INO80D: variants seen among roughly 807,000 people sequenced by gnomAD.
The protein encoded by INO80D is INO80 complex subunit D.
INO80D carries 21 observed loss-of-function variants against 87.6 expected under a neutral mutation model. The observed-to-expected ratio is 0.24, with a 90% confidence interval of 0.17 to 0.35. The LOEUF (loss-of-function observed/expected upper bound fraction) is 0.35, where lower values mean the gene tolerates loss of function less well. Among genes scored for constraint, INO80D ranks in the 10% least tolerant of loss-of-function variants. The pLI, the probability that INO80D is intolerant of heterozygous loss-of-function variation, is 1.00. For missense variants in INO80D, 982 were observed against 1,280.7 expected, an observed-to-expected ratio of 0.77 and a Z score of 3.56; for synonymous variants, 440 against 491.0, an observed-to-expected ratio of 0.90 and a Z score of 1.37.
At chr2:206,017,526 C>T (rs1336269669) in intron 8 of INO80D, among the ~76,000 whole-genome samples, 154 bp downstream of exon 8, 3 of 152,252 alleles carry the variant, frequency 2.0e-5, no homozygotes, top group East Asian at 3.9e-4. Context: ...AGATACATAT[C>T]TTAAGGTAAT....
chr2:206,064,173 A>G (rs911553296), intron 1 of INO80D, among the ~76,000 whole-genome samples: 3 of 152,226 alleles, frequency 2.0e-5, no homozygotes, highest in African/African-American at 4.8e-5. Context: ...CACACTAAAT[A>G]GTAAAATAAT....
chr2:206,029,044 C>T (rs907808987), intron 5 of INO80D, among the ~76,000 whole-genome samples: 14 of 151,954 alleles, frequency 9.2e-5, no homozygotes, highest in African/African-American at 2.7e-4. Context: ...TCTGCCACCA[C>T]GCCTGGCTAA....
chr2:206,025,991 A>C (rs1229631124), intron 6 of INO80D, among the ~76,000 whole-genome samples: 1 of 152,004 alleles, frequency 6.6e-6, no homozygotes, highest in African/African-American at 2.4e-5. Flanking sequence ...TCCTACTCCC[A>C]GGCTAAAGCC....
rs961857261 is a variant in INO80D at position 206,062,386 on chromosome 2, T to C, written c.218+413A>G. 6.6e-6 allele frequency among the ~76,000 whole-genome samples: 1 copy of C among 152,170 alleles called. No homozygotes were observed. The highest frequency in any genetic ancestry group is 2.4e-5 in the African/African-American group (1 of 41,450). ...ATTAATTATAACACCTAATTAGTTA[T>C]TTAAATTTCTCTCATTTAGGCAAAT... On this transcript the variant is annotated intron_variant, in intron 3 of 10. Transcript: ENST00000403263. This position sits in a 1 kb window ranked among gnomAD's most constrained non-coding sequence, Gnocchi z 4.6.
intron 4 of INO80D, among the ~76,000 whole-genome samples, chr2:206,050,029 A>C (rs1030222153): frequency 2.6e-5 from 4 of 152,138 alleles, no homozygotes; most frequent in Non-Finnish European, 5.9e-5. Flanking sequence ...GCTACTCAGG[A>C]GGCTGAGGCA....
intron 5 of INO80D, among the ~76,000 whole-genome samples, chr2:206,039,027 A>G (rs1688964022): frequency 6.6e-6 from 1 of 152,236 alleles, no homozygotes; most frequent in African/African-American, 2.4e-5. Context: ...GAAAAAACAC[A>G]TTAAATGATA....
rs1687844945 is a variant in INO80D at position 205,998,368 on chromosome 2, TCTGCAAGGTAG to T, written c.*5989_*5999del. ...CCAGGATATCCTTTTATTTTATATA[TCTGCAAGGTAG>T]CAAAGGATAGCTATACACCTTGACA... On this transcript the variant is annotated 3_prime_UTR_variant, in exon 11 of 11. Transcript: ENST00000403263. The T allele has an allele frequency of 6.7e-6, 1 of 150,128 alleles. No individual in the cohort carries two copies. The highest frequency in any genetic ancestry group is 2.5e-5 in the African/African-American group (1 of 40,692). 9.3% of individuals were successfully genotyped at this position (150,128 alleles called of 1,614,324 possible). A position where few individuals can be genotyped will look rare whatever the true frequency, so the allele number is the denominator to read the frequency against.
intron 5 of INO80D, chr2:206,040,691 C>A: frequency 4.1e-6 from 1 of 244,788 alleles, no homozygotes; most frequent in Non-Finnish European, 8.7e-6. Context: ...ACAGTGCACT[C>A]TGTGGATATC....
chr2:206,050,858 A>G (rs1285753621), intron 4 of INO80D, among the ~76,000 whole-genome samples: 2 of 151,724 alleles, frequency 1.3e-5, no homozygotes, highest in East Asian at 2.0e-4. Flanking sequence ...AGTCCCAACT[A>G]CTCGGCAGGC....
rs532901277 is a variant in INO80D at position 206,028,006 on chromosome 2, T to G, written c.1298+105A>C. 12 of 737,656 alleles carry G rather than the reference T, an allele frequency of 1.6e-5. No individual in the cohort carries two copies. The African/African-American group carries it at 2.1e-4, about 13-fold the overall frequency. The allele number at this position is 737,656 out of a possible 1,614,324, so 45.7% of individuals were successfully genotyped here. A position where few individuals can be genotyped will look rare whatever the true frequency, so the allele number is the denominator to read the frequency against. On this transcript the variant is annotated intron_variant, in intron 6 of 10. Transcript: ENST00000403263. The stretch of plus-strand genomic sequence containing the variant: ...AAACCAAAACATAATGCTTAAACGT[T>G]TAGGACTTAGTGGTCATCTCCCACT...
At chr2:206,018,891 A>G (rs1414733175) in intron 7 of INO80D, among the ~76,000 whole-genome samples, 1 of 152,202 alleles carries the variant, frequency 6.6e-6, no homozygotes, top group Admixed American at 6.5e-5. Context: ...TGACAGAGTG[A>G]GATCCTGCCT....
Position 206,035,809 on chromosome 2 carries a change from ACT to A in INO80D, c.1074-7476_1074-7475del, listed in dbSNP as rs1559445360. On this transcript the variant is annotated intron_variant, in intron 5 of 10. Transcript: ENST00000403263. ...ACAGACAACCCACAGAGTGGGAGAA[ACT>A]CTTCACAATCTATTCATCTGACAAA... 2.0e-5 allele frequency among the ~76,000 whole-genome samples: 3 copies of A among 152,182 alleles called. No homozygotes were observed. In the East Asian group the frequency reaches 5.8e-4, roughly 29 times the overall value.
chr2:206,047,797 G>T lies in INO80D; in HGVS notation c.965-1185C>A, dbSNP rs564449381. Among the ~76,000 whole-genome samples the T allele has an allele frequency of 1.7e-4, 26 of 152,076 alleles. 2 individuals are homozygous for T. In the Middle Eastern group the frequency reaches 0.01, roughly 60 times the overall value. ...ATTCCCTGGCTCTTACCTTCCATGGGAAGATGGAAGGGTAGGATGGTAATG... is the reference window on the plus strand; with the variant it reads ...ATTCCCTGGCTCTTACCTTCCATGGTAAGATGGAAGGGTAGGATGGTAATG... On this transcript the variant is annotated intron_variant, in intron 4 of 10. Coordinates refer to ENST00000403263, the MANE Select transcript of INO80D (RefSeq NM_017759.5).
intron 1 of INO80D, among the ~76,000 whole-genome samples, chr2:206,065,044 C>A (rs1218177830): frequency 1.3e-5 from 2 of 152,054 alleles, no homozygotes; most frequent in Admixed American, 1.3e-4. Context: ...TGAAACTAGA[C>A]CCCCACCTTT....
intron 5 of INO80D, among the ~76,000 whole-genome samples, chr2:206,030,858 G>A (rs1378302378): frequency 5.3e-5 from 8 of 152,158 alleles, no homozygotes; most frequent in Non-Finnish European, 1.0e-4. Flanking sequence ...AAAATAAACA[G>A]AAGAAGAGAG....
At chr2:206,027,733 A>G (rs1277780214) in intron 6 of INO80D, among the ~76,000 whole-genome samples, 2 of 152,204 alleles carry the variant, frequency 1.3e-5, no homozygotes, top group Non-Finnish European at 2.9e-5. Flanking sequence ...ACCAACACTG[A>G]AAAGAAACTA....
chr2:206,041,722 T>C (rs1413135606), intron 5 of INO80D, among the ~76,000 whole-genome samples: 1 of 152,234 alleles, frequency 6.6e-6, no homozygotes, highest in Non-Finnish European at 1.5e-5. Context: ...TATAGAATAC[T>C]ATATTCAAAT....
intron 4 of INO80D, among the ~76,000 whole-genome samples, chr2:206,052,443 T>A (rs2105875854): frequency 6.6e-6 from 1 of 152,286 alleles, no homozygotes; most frequent in Admixed American, 6.5e-5. Flanking sequence ...TCCACCCGCC[T>A]CAGCCTCCCA....
chr2:206,014,368 T>G (rs751150619), intron 8 of INO80D, among the ~76,000 whole-genome samples: 1 of 152,188 alleles, frequency 6.6e-6, no homozygotes, highest in Non-Finnish European at 1.5e-5. Flanking sequence ...CCCACCCAAA[T>G]TTCATCTTGT....
Sources: gnomAD v4.1 joint callset for allele counts (sites outside exome capture counted in the v4.1 genomes callset) on GRCh38, gnomAD v4.1.1 for gene constraint, Gnocchi (gnomAD v3.1) non-coding constraint, MANE v1.5 for transcripts, NCBI Gene and HGNC (gene_info 2026-07-23, HGNC 2026-07-21) for gene names.